LAYN: variants seen among roughly 807,000 people sequenced by gnomAD.
The protein encoded by LAYN is layilin.
LAYN carries 38 observed loss-of-function variants against 43.6 expected under a neutral mutation model. The observed-to-expected ratio is 0.87, with a 90% confidence interval of 0.67 to 1.14. The LOEUF (loss-of-function observed/expected upper bound fraction) is 1.14, where lower values mean the gene tolerates loss of function less well. Ranked by LOEUF, LAYN falls within the 50% of genes most tolerant of loss-of-function variation. The pLI is 0.00. For synonymous variants in LAYN, 168 were observed against 172.9 expected, an observed-to-expected ratio of 0.97 and a Z score of 0.22; for missense variants, 479 against 463.8, an observed-to-expected ratio of 1.03 and a Z score of -0.30.
rs1045844101 is a variant in LAYN, at chr11:111,560,663, A to C, written c.*205A>C. 1 of 572,436 alleles carries C rather than the reference A, an allele frequency of 1.7e-6. No individual in the cohort carries two copies. The highest frequency in any genetic ancestry group is 3.0e-5 in the East Asian group (1 of 33,642). The allele number at this position is 572,436 out of a possible 1,614,324, so 35.5% of individuals were successfully genotyped here. A position where few individuals can be genotyped will look rare whatever the true frequency, so the allele number is the denominator to read the frequency against. ...CCAGCCAGTCATCCAGCTCGACCTT[A>C]TGAGAAGGTACCTTGCCCAGGTCTG... On this transcript the variant is annotated 3_prime_UTR_variant, in exon 7 of 7. Coordinates refer to ENST00000375614, the MANE Select transcript of LAYN (RefSeq NM_178834.5).
intron 3 of LAYN, among the ~76,000 whole-genome samples, chr11:111,553,161 G>A (rs948463400): frequency 2.0e-5 from 3 of 151,666 alleles, no homozygotes; most frequent in Admixed American, 6.6e-5. Context: ...GAGAATGGCA[G>A]GAACCCAGGA....
chr11:111,541,904 A>G (rs559776924), intron 1 of LAYN, among the ~76,000 whole-genome samples: 17 of 152,112 alleles, frequency 1.1e-4, no homozygotes, highest in Non-Finnish European at 1.9e-4. Context: ...GCAAATGAGA[A>G]GAGAAGGACA....
chr11:111,546,127 A>T (rs1867644853), intron 2 of LAYN, among the ~76,000 whole-genome samples: 1 of 152,056 alleles, frequency 6.6e-6, no homozygotes, highest in South Asian at 2.1e-4. Flanking sequence ...TACCTAGCTG[A>T]GTTATTTTGT....
intron 4 of LAYN, 149 bp downstream of exon 4, chr11:111,554,742 C>A: frequency 1.6e-6 from 1 of 633,596 alleles, no homozygotes; most frequent in South Asian, 2.1e-5. Flanking sequence ...TACACCACAC[C>A]CAGCCATGAC....
intron 5 of LAYN, among the ~76,000 whole-genome samples, chr11:111,557,178 G>GAA (rs150212588): frequency 1.4e-5 from 2 of 143,918 alleles, no homozygotes. Context: ...TCTTTTCTCT[G>GAA]AAAAAAAAAA....
chr11:111,554,556 T>G lies in LAYN; in HGVS notation c.542-5T>G, dbSNP rs1284593265. 2 of 1,611,510 alleles carry G rather than the reference T, an allele frequency of 1.2e-6. No individual in the cohort carries two copies. The highest frequency in any genetic ancestry group is 2.2e-5 in the East Asian group (1 of 44,874). Reference sequence around the variant, plus strand: ...TATTTTTGTTTTTGTTTCTTTCTACTACAGAGAAACCAGCAGTTCCTTCTA... The same window carrying G: ...TATTTTTGTTTTTGTTTCTTTCTACGACAGAGAAACCAGCAGTTCCTTCTA... On this transcript the variant is annotated splice_region_variant and splice_polypyrimidine_tract_variant and intron_variant, in intron 3 of 6. Coordinates refer to ENST00000375614, the MANE Select transcript of LAYN (RefSeq NM_178834.5).
intron 2 of LAYN, among the ~76,000 whole-genome samples, chr11:111,548,931 C>G (rs901055770): frequency 6.6e-6 from 1 of 152,208 alleles, no homozygotes. Flanking sequence ...TCAAGTGCCA[C>G]TGGATAGTAG....
chr11:111,547,834 T>C (rs1332360077), intron 2 of LAYN, among the ~76,000 whole-genome samples: 1 of 152,172 alleles, frequency 6.6e-6, no homozygotes, highest in African/African-American at 2.4e-5. Flanking sequence ...TTGTTGTTGA[T>C]TTATTATCAT....
chr11:111,556,132 T>A (rs1395382886), intron 5 of LAYN, among the ~76,000 whole-genome samples: 1 of 152,172 alleles, frequency 6.6e-6, no homozygotes, highest in East Asian at 1.9e-4. Context: ...GATAATTCAC[T>A]AGAACAACCT....
chr11:111,546,725 C>T (rs186323757), intron 2 of LAYN, among the ~76,000 whole-genome samples: 45 of 152,290 alleles, frequency 3.0e-4, no homozygotes, highest in African/African-American at 1.0e-3. Context: ...GCCTAATCTC[C>T]GATTAGGTGT....
In LAYN at chr11:111,544,056, C is replaced by T. The variant is rs1175371717; in HGVS notation, c.219C>T (p.Ile73=). Residue 73 remains isoleucine, a synonymous_variant, in exon 2 of 7, where the codon ATC becomes ATT. Coordinates refer to ENST00000375614, the MANE Select transcript of LAYN (RefSeq NM_178834.5). ...CRRDGGQLVS[I]ESEDEQKLIE... ...GGGATGGAGGCCAGCTAGTCAGCAT[C>T]GAGTCTGAAGATGAACAGAAACTGA... 1.2e-6 allele frequency: 2 copies of T among 1,614,016 alleles called. No individual in the cohort carries two copies. Among genetic ancestry groups the T allele is most frequent in the African/African-American group, 1.3e-5 (1 of 74,896 alleles).
At chr11:111,549,466 T>C in intron 2 of LAYN, 152 bp from the exon 3 acceptor site, 1 of 560,448 alleles carries the variant, frequency 1.8e-6, no homozygotes, top group Non-Finnish European at 2.9e-6. Context: ...TTCTGCTTAC[T>C]GGCAGTACTT....
chr11:111,559,817 G>A (rs935975924), intron 6 of LAYN, among the ~76,000 whole-genome samples: 7 of 151,834 alleles, frequency 4.6e-5, no homozygotes, highest in African/African-American at 9.7e-5. Flanking sequence ...TCTCTATTCA[G>A]TTCTATCCCT....
In LAYN at chr11:111,559,647, C is replaced by T. The variant is rs555361635; in HGVS notation, c.762-448C>T. On this transcript the variant is annotated intron_variant, in intron 6 of 6. Coordinates refer to ENST00000375614, the MANE Select transcript of LAYN (RefSeq NM_178834.5). The stretch of plus-strand genomic sequence containing the variant: ...TTAATTTTTGTATCTTTTATAGGGA[C>T]GGGGTTTTAACATGTTGCCCAGGCT... Among the ~76,000 whole-genome samples, 49 of 151,732 alleles carry T rather than the reference C, an allele frequency of 3.2e-4. 2 individuals are homozygous for T. The South Asian group carries it at 5.0e-3, about 16-fold the overall frequency.
intron 3 of LAYN, among the ~76,000 whole-genome samples, chr11:111,550,848 A>G (rs1466312602): frequency 1.3e-5 from 2 of 152,178 alleles, no homozygotes; most frequent in African/African-American, 4.8e-5. Context: ...AAATTTTTGC[A>G]CTTCCTTTAA....
intron 2 of LAYN, among the ~76,000 whole-genome samples, chr11:111,545,074 A>ATATATATATATATATATATATATTT (rs1170875315): frequency 6.7e-6 from 1 of 148,390 alleles, no homozygotes; most frequent in Admixed American, 6.7e-5. Context: ...ATATATATAT[A>ATATATATATATATATATATATATTT]TTTTTTACCT....
At position 111,555,426 on chromosome 11, in the gene LAYN, CA is replaced by C. The variant is rs2135802707; in HGVS notation, c.658+140del. The C allele has an allele frequency of 6.3e-6, 4 of 632,494 alleles. No homozygotes were observed. The East Asian group carries it at 1.1e-4, about 18-fold the overall frequency. The allele number at this position is 632,494 out of a possible 1,614,324, so 39.2% of individuals were successfully genotyped here. ...ACTAGACAGGGCATGTGTGGCTTTG[CA>C]AAAGCTGTACTAAATGCTAGGTTTC... On this transcript the variant is annotated intron_variant, in intron 5 of 6. Coordinates refer to ENST00000375614, the MANE Select transcript of LAYN (RefSeq NM_178834.5).
chr11:111,557,332 ATG>A (rs1348314677), intron 5 of LAYN, among the ~76,000 whole-genome samples: 5 of 152,216 alleles, frequency 3.3e-5, no homozygotes, highest in Non-Finnish European at 5.9e-5. Context: ...AACTGGCTAG[ATG>A]TGTCTTGATC....
At position 111,561,272 on chromosome 11, in the gene LAYN, A is replaced by G. The variant is rs1044724026; in HGVS notation, c.*814A>G. The G allele has an allele frequency of 6.6e-6, 1 of 152,350 alleles. No homozygotes were observed. The highest frequency in any genetic ancestry group is 1.9e-4 in the East Asian group (1 of 5,186). The allele number at this position is 152,350 out of a possible 1,614,324, so 9.4% of individuals were successfully genotyped here. On this transcript the variant is annotated 3_prime_UTR_variant, in exon 7 of 7. Coordinates refer to ENST00000375614, the MANE Select transcript of LAYN (RefSeq NM_178834.5). ...CTACTCAGGAGGCCGAGGTGGGGGA[A>G]TTGCTTGAGCCCAGGAGGTTGAGGC...
Sources: allele counts gnomAD v4.1 joint callset (sites outside exome capture counted in the v4.1 genomes callset), GRCh38; gene constraint gnomAD v4.1.1; transcripts MANE v1.5; gene names NCBI Gene and HGNC (gene_info 2026-07-23, HGNC 2026-07-21).